PTPN6: variants seen among roughly 807,000 people sequenced by gnomAD.
PTPN6 encodes tyrosine-protein phosphatase non-receptor type 6.
PTPN6 carries 18 observed loss-of-function variants against 81.5 expected under a neutral mutation model. The observed-to-expected ratio is 0.22, with a 90% CI of 0.15 to 0.33. The LOEUF (loss-of-function observed/expected upper bound fraction) is 0.33, where lower values mean the gene tolerates loss of function less well. PTPN6 is among the 10% of genes least tolerant of loss of function. PTPN6 has a pLI of 1.00. For missense variants in PTPN6, 500 were observed against 794.2 expected (o/e 0.63, Z 4.45); for synonymous variants, 301 against 310.9 (o/e 0.97, Z 0.33).
chr12:6,950,502 T>G (rs1555147560), upstream of PTPN6, among the ~76,000 whole-genome samples: 1 of 151,994 alleles, frequency 6.6e-6, no homozygotes, highest in African/African-American at 2.4e-5. Context: ...GGCCCCCTGG[T>G]GGGAGTGCTG....
At position 6,957,872 on chromosome 12, in the gene PTPN6, G is replaced by A. The variant is rs1555148991; in HGVS notation, c.1207-47G>A. ...TGGTCGGGTAGGGTGAGATGGATGA[G>A]GTGTTCCGAGAGAGGAGGGGGCACT... On this transcript the variant is annotated intron_variant, in intron 10 of 15. Coordinates refer to ENST00000318974, the MANE Select transcript of PTPN6 (RefSeq NM_002831.6). The surrounding 1 kb of genome is among the most constrained non-coding windows in gnomAD (Gnocchi z 6.5). The A allele has an allele frequency of 1.2e-6, 2 of 1,614,004 alleles. No homozygotes were observed. Among genetic ancestry groups the A allele is most frequent in the Non-Finnish European group, 1.7e-6 (2 of 1,180,002 alleles).
Position 6,960,521 on chromosome 12 carries a change from G to A in PTPN6, c.1673+86G>A, listed in dbSNP as rs1565585604. ...TCACTTTCTGGAGAGGACAAGTGTT[G>A]CAGCTGGGGGGACCTGGCTTCAAGT... On this transcript the variant is annotated intron_variant, in intron 14 of 15. Coordinates refer to ENST00000318974, the MANE Select transcript of PTPN6 (RefSeq NM_002831.6). This position sits in a 1 kb window ranked among gnomAD's most constrained non-coding sequence, Gnocchi z 6.1. 7 of 1,479,338 alleles carry A rather than the reference G, an allele frequency of 4.7e-6. No individual in the cohort carries two copies. The East Asian group carries it at 1.2e-4, about 26-fold the overall frequency. 91.6% of individuals were successfully genotyped at this position (1,479,338 alleles called of 1,614,324 possible).
In PTPN6 at chr12:6,955,561, C is replaced by A. The variant is rs1748457529; in HGVS notation, c.747+76C>A. 1 of 1,556,878 alleles carries A rather than the reference C, an allele frequency of 6.4e-7. No individual in the cohort carries two copies. Among genetic ancestry groups the A allele is most frequent in the Admixed American group, 1.7e-5 (1 of 59,788 alleles). On this transcript the variant is annotated intron_variant, in intron 6 of 15. Transcript: ENST00000318974. This position sits in a 1 kb window ranked among gnomAD's most constrained non-coding sequence, Gnocchi z 7.2. ...CCTGGGGCCCCAGGCGGACACCTTC[C>A]CCTCCTTGCCCACCTCTGCTCCTGA...
upstream of PTPN6, among the ~76,000 whole-genome samples, chr12:6,950,729 CTG>C (rs1314806033): frequency 1.4e-4 from 21 of 152,296 alleles, no homozygotes; most frequent in African/African-American, 5.1e-4. Flanking sequence ...CTCTTAATCT[CTG>C]TTCTTTGAAG....
upstream of PTPN6, among the ~76,000 whole-genome samples, chr12:6,948,521 AAAG>A (rs1416193051): frequency 6.6e-6 from 1 of 151,642 alleles, no homozygotes; most frequent in Admixed American, 6.6e-5. Flanking sequence ...AAAGAGCGAG[AAAG>A]AAGAAAGAAA....
rs1166548307 is a variant in PTPN6 at position 6,952,235 on chromosome 12, A to G, written c.326+58A>G. The G allele has an allele frequency of 6.3e-7, 1 of 1,594,006 alleles. No individual in the cohort carries two copies. Among genetic ancestry groups the G allele is most frequent in the African/African-American group, 1.3e-5 (1 of 74,424 alleles). On this transcript the variant is annotated intron_variant, in intron 3 of 15. Transcript: ENST00000318974. The surrounding 1 kb of genome is among the most constrained non-coding windows in gnomAD (Gnocchi z 8.1). ...AGGGATGAGCCGGCTCCCACCCTGA[A>G]CAGCCAGGGAGGCAGGGAGACTGGC...
chr12:6,960,370 C>T lies in PTPN6; in HGVS notation c.1608C>T (p.Tyr536=), dbSNP rs782441291. The part of the protein sequence containing the change: ...LQSQKGQESE[Y]GNITYPPAMK... ...CGCAGAAGGGCCAGGAGTCGGAGTA[C>T]GGGAACATCACCTATCCCCCAGCCA... The change falls in exon 14 of 16, where the codon TAC becomes TAT. Residue 536 remains tyrosine (Y), a synonymous_variant. Transcript: ENST00000318974. The surrounding 1 kb of genome is among the most constrained non-coding windows in gnomAD (Gnocchi z 6.1). 21 of 1,613,444 alleles carry T rather than the reference C, an allele frequency of 1.3e-5. No homozygotes were observed. The highest frequency in any genetic ancestry group is 4.5e-5 in the East Asian group (2 of 44,882).
upstream of PTPN6, among the ~76,000 whole-genome samples, chr12:6,950,221 T>C (rs1368998248): frequency 6.6e-6 from 1 of 151,640 alleles, no homozygotes; most frequent in East Asian, 2.0e-4. Flanking sequence ...TCATATAACA[T>C]TCAAAAAGGT....
At chr12:6,958,907 G>A (rs1335608493) in intron 11 of PTPN6, among the ~76,000 whole-genome samples, 1 of 152,214 alleles carries the variant, frequency 6.6e-6, no homozygotes, top group Non-Finnish European at 1.5e-5. Flanking sequence ...AGACCCTATC[G>A]TTGTGGCTGG....
chr12:6,946,717 T>TACAGAG, upstream of PTPN6: 4 of 1,611,940 alleles, frequency 2.5e-6, no homozygotes, highest in Non-Finnish European at 3.4e-6. Flanking sequence ...TCCCCCTCCC[T>TACAGAG]ACAGAGAGAT....
intron 3 of PTPN6, among the ~76,000 whole-genome samples, chr12:6,953,760 T>A (rs1945969846): frequency 6.6e-6 from 1 of 152,088 alleles, no homozygotes; most frequent in Non-Finnish European, 1.5e-5. Flanking sequence ...CCTGGGGTCC[T>A]AGCCTGTCCC....
chr12:6,952,233 G>A lies in PTPN6; in HGVS notation c.326+56G>A, dbSNP rs1372429684. 6.3e-7 allele frequency: 1 copy of A among 1,599,370 alleles called. No individual in the cohort carries two copies. The highest frequency in any genetic ancestry group is 1.3e-5 in the African/African-American group (1 of 74,584). On this transcript the variant is annotated intron_variant, in intron 3 of 15. Transcript: ENST00000318974. This position sits in a 1 kb window ranked among gnomAD's most constrained non-coding sequence, Gnocchi z 8.1. ...GCAGGGATGAGCCGGCTCCCACCCT[G>A]AACAGCCAGGGAGGCAGGGAGACTG...
rs781999750 is a variant in PTPN6, at chr12:6,951,905, C to A, written c.132-78C>A. 1.5e-5 allele frequency: 23 copies of A among 1,563,872 alleles called. No individual in the cohort carries two copies. In the South Asian group the frequency reaches 2.5e-4, roughly 17 times the overall value. ...GCCCACCCATGCCCATGTGTGCCCC[C>A]ACCCAGGACCTCAGCCGATCCCTGC... On this transcript the variant is annotated intron_variant, in intron 2 of 15. Coordinates refer to ENST00000318974, the MANE Select transcript of PTPN6 (RefSeq NM_002831.6). The surrounding 1 kb of genome is among the most constrained non-coding windows in gnomAD (Gnocchi z 7.2).
chr12:6,958,086 A>G lies in PTPN6; in HGVS notation c.1361+13A>G. ...TCGTGCACTGCAGGTGAGGATGATAATCCTGATGGTAGTAGTGACAGCTGA... is the reference window on the plus strand; with the variant it reads ...TCGTGCACTGCAGGTGAGGATGATAGTCCTGATGGTAGTAGTGACAGCTGA... On this transcript the variant is annotated intron_variant, in intron 11 of 15. Coordinates refer to ENST00000318974, the MANE Select transcript of PTPN6 (RefSeq NM_002831.6). 6.2e-7 allele frequency: 1 copy of G among 1,608,834 alleles called. No homozygotes were observed. Among genetic ancestry groups the G allele is most frequent in the Non-Finnish European group, 8.5e-7 (1 of 1,179,954 alleles).
Position 6,961,138 on chromosome 12 carries a change from C to T in PTPN6, c.*38C>T. 1 of 882,404 alleles carries T rather than the reference C, an allele frequency of 1.1e-6. No homozygotes were observed. Among genetic ancestry groups the T allele is most frequent in the African/African-American group, 1.7e-5 (1 of 59,462 alleles). 54.7% of individuals were successfully genotyped at this position (882,404 alleles called of 1,614,324 possible). On this transcript the variant is annotated 3_prime_UTR_variant, in exon 16 of 16. Coordinates refer to ENST00000318974, the MANE Select transcript of PTPN6 (RefSeq NM_002831.6). ...CTTCTCTTGGCAGCCTCAGCCCTGACCCTGTGGAAGCATTTCGCGATGGAC... is the reference window on the plus strand; with the variant it reads ...CTTCTCTTGGCAGCCTCAGCCCTGATCCTGTGGAAGCATTTCGCGATGGAC...
In PTPN6 at chr12:6,959,739, T is replaced by G. The variant is rs1392279098; in HGVS notation, c.1362-188T>G. On this transcript the variant is annotated intron_variant, in intron 11 of 15. Coordinates refer to ENST00000318974, the MANE Select transcript of PTPN6 (RefSeq NM_002831.6). This position sits in a 1 kb window ranked among gnomAD's most constrained non-coding sequence, Gnocchi z 6.6. ...AGCGTCAGCACCGCAGAGCCCGAGG[T>G]GGAGCGTGTCCATGCAGAGCTGGGC... is the stretch of plus-strand genomic sequence containing the variant. The G allele has an allele frequency of 6.1e-5, 40 of 655,490 alleles. No homozygotes were observed. The Admixed American group carries it at 9.6e-4, about 16-fold the overall frequency. 40.6% of individuals were successfully genotyped at this position (655,490 alleles called of 1,614,324 possible). A position where few individuals can be genotyped will look rare whatever the true frequency, so the allele number is the denominator to read the frequency against.
Position 6,961,286 on chromosome 12 carries a change from C to T in PTPN6, c.*186C>T. On this transcript the variant is annotated 3_prime_UTR_variant, in exon 16 of 16. Coordinates refer to ENST00000318974, the MANE Select transcript of PTPN6 (RefSeq NM_002831.6). ...GCCCCAGGCAGGGCCAACCCTTCTC[C>T]TCTTGTAAATAAAGCCCTGGGATCA... 1 of 334,990 alleles carries T rather than the reference C, an allele frequency of 3.0e-6. No individual in the cohort carries two copies. Among genetic ancestry groups the T allele is most frequent in the Non-Finnish European group, 5.9e-6 (1 of 169,794 alleles). The allele number at this position is 334,990 out of a possible 1,614,324, so 20.8% of individuals were successfully genotyped here.
rs1331371881 is a variant in PTPN6 at position 6,954,222 on chromosome 12, G to A, written c.327-583G>A. On this transcript the variant is annotated intron_variant, in intron 3 of 15. Transcript: ENST00000318974. This position sits in a 1 kb window ranked among gnomAD's most constrained non-coding sequence, Gnocchi z 5.4. The stretch of plus-strand genomic sequence containing the variant: ...GTCTTCCCCGCCTCCCTGGCGGAGC[G>A]CACCCCATCCGCCTTCCTTGTGACT... 2.0e-5 allele frequency among the ~76,000 whole-genome samples: 3 copies of A among 152,156 alleles called. No homozygotes were observed. The highest frequency in any genetic ancestry group is 7.2e-5 in the African/African-American group (3 of 41,434).
chr12:6,947,297 T>A (rs1370774013), upstream of PTPN6, among the ~76,000 whole-genome samples: 2 of 152,248 alleles, frequency 1.3e-5, no homozygotes, highest in African/African-American at 2.4e-5. Context: ...GGAGCTTACA[T>A]TCCAGTGGGA....
Sources: gnomAD v4.1 joint callset for allele counts (sites outside exome capture counted in the v4.1 genomes callset) on GRCh38, gnomAD v4.1.1 for gene constraint, Gnocchi (gnomAD v3.1) non-coding constraint, MANE v1.5 for transcripts, NCBI Gene and HGNC (gene_info 2026-07-23, HGNC 2026-07-21) for gene names.